The following KCNH8 variants were observed in gnomAD, a reference collection of about 807,000 sequenced individuals.
KCNH8 encodes the protein voltage-gated delayed rectifier potassium channel KCNH8.
Under a neutral mutation model 103.6 loss-of-function variants are expected in KCNH8, and 70 were observed. That is an observed-to-expected ratio of 0.68 (90% CI 0.56 to 0.82). The LOEUF is 0.82. Among genes scored for constraint, KCNH8 ranks in the 40% least tolerant of loss-of-function variants. The probability of loss-of-function intolerance (pLI) is 0.00; values close to 1 mark genes in which losing one functional copy is unlikely to be tolerated. For synonymous variants in KCNH8, 498 were observed against 489.4 expected (o/e 1.02, Z -0.23); for missense variants, 1,217 against 1,329.9 (o/e 0.92, Z 1.32).
intron 15 of KCNH8, among the ~76,000 whole-genome samples, chr3:19,520,071 G>A (rs1274879225): frequency 2.0e-5 from 3 of 150,274 alleles, no homozygotes; most frequent in African/African-American, 7.3e-5. Flanking sequence ...CTGTATTCAC[G>A]ATTTCTTTTC....
chr3:19,237,431 G>A (rs966349384), intron 1 of KCNH8, among the ~76,000 whole-genome samples: 9 of 152,212 alleles, frequency 5.9e-5, no homozygotes, highest in South Asian at 2.1e-4. Context: ...GTTTGTGGCA[G>A]CCCTGGTGGT....
At chr3:19,429,025 C>T (rs1034804159) in intron 7 of KCNH8, among the ~76,000 whole-genome samples, 1 of 152,100 alleles carries the variant, frequency 6.6e-6, no homozygotes, top group African/African-American at 2.4e-5. Context: ...CAAGGCCAAT[C>T]GCTTCACCAG....
chr3:19,287,839 C>T (rs550512612), intron 3 of KCNH8, among the ~76,000 whole-genome samples: 6 of 151,690 alleles, frequency 4.0e-5, no homozygotes, highest in Admixed American at 1.3e-4. Context: ...CTGCCTCGGC[C>T]TCCTGAAGTG....
At chr3:19,258,947 C>CTCTCTCTCTCTCTA (rs1321918245) in intron 2 of KCNH8, among the ~76,000 whole-genome samples, 2 of 24,792 alleles carry the variant, frequency 8.1e-5, no homozygotes, top group African/African-American at 3.0e-4. Flanking sequence ...CTCTCTCTCT[C>CTCTCTCTCTCTCTA]TATATATATA....
intron 7 of KCNH8, among the ~76,000 whole-genome samples, chr3:19,404,336 G>T (rs576000524): frequency 1.7e-4 from 26 of 151,926 alleles, no homozygotes; most frequent in Non-Finnish European, 3.2e-4. Context: ...AGCTTTCAAG[G>T]AATACTCTTG....
At chr3:19,258,949 A>C (rs9815379) in intron 2 of KCNH8, among the ~76,000 whole-genome samples, 1,488 of 45,170 alleles carry the variant, frequency 0.033, 7 homozygotes, top group African/African-American at 0.05. Context: ...CTCTCTCTCT[A>C]TATATATATA....
At chr3:19,455,930 T>A (rs974109316) in intron 10 of KCNH8, among the ~76,000 whole-genome samples, 1 of 152,058 alleles carries the variant, frequency 6.6e-6, no homozygotes, top group African/African-American at 2.4e-5. Flanking sequence ...ATACAAAATT[T>A]AAAAATTTGC....
At chr3:19,291,174 T>C (rs1465829401) in intron 3 of KCNH8, among the ~76,000 whole-genome samples, 1 of 152,218 alleles carries the variant, frequency 6.6e-6, no homozygotes, top group Admixed American at 6.5e-5. Flanking sequence ...ATCAATTTTA[T>C]TGATCTTTTC....
chr3:19,464,605 G>A, intron 11 of KCNH8, among the ~76,000 whole-genome samples: 1 of 152,082 alleles, frequency 6.6e-6, no homozygotes. Context: ...AAGAATGGGA[G>A]AAGATATTTG....
chr3:19,392,798 G>T (rs892136568), intron 6 of KCNH8, among the ~76,000 whole-genome samples: 2 of 151,962 alleles, frequency 1.3e-5, no homozygotes, highest in African/African-American at 4.8e-5. Context: ...TTATGAATAA[G>T]ACATAGGAAT....
intron 3 of KCNH8, among the ~76,000 whole-genome samples, chr3:19,312,184 A>G (rs568519993): frequency 6.0e-4 from 92 of 152,096 alleles, no homozygotes; most frequent in African/African-American, 2.1e-3. Context: ...TTTAAACTTC[A>G]TTCGAAATTA....
rs138274209 is a variant in KCNH8 at position 19,445,149 on chromosome 3, T to G, written c.1376-4957T>G. Among the ~76,000 whole-genome samples, 992 of 152,078 alleles carry G rather than the reference T, an allele frequency of 6.5e-3. 4 individuals carry two copies. Among genetic ancestry groups the G allele is most frequent in the Non-Finnish European group, 8.9e-3 (607 of 67,882 alleles). ...AACATTATACACTAATAAGAGTAAA[T>G]GAACTACTATGTCATGGAACCTTAT... On this transcript the variant is annotated intron_variant, in intron 8 of 15. Transcript: ENST00000328405.
intron 1 of KCNH8, among the ~76,000 whole-genome samples, chr3:19,182,402 G>C (rs1167408049): frequency 1.3e-5 from 2 of 152,114 alleles, no homozygotes; most frequent in African/African-American, 4.8e-5. Context: ...GTGGTGGCAG[G>C]TGCCTGTAGT....
At chr3:19,237,439 G>A (rs977793411) in intron 1 of KCNH8, among the ~76,000 whole-genome samples, 2 of 152,176 alleles carry the variant, frequency 1.3e-5, no homozygotes, top group African/African-American at 2.4e-5. Flanking sequence ...CAGCCCTGGT[G>A]GTTGTTCTCC....
Position 19,450,254 on chromosome 3 carries a change from C to G in KCNH8, c.1524C>G (p.Leu508=), listed in dbSNP as rs759058160. 2 of 1,613,222 alleles carry G rather than the reference C, an allele frequency of 1.2e-6. No individual in the cohort carries two copies. Among genetic ancestry groups the G allele is most frequent in the African/African-American group, 2.7e-5 (2 of 74,772 alleles). The change falls in exon 9 of 16, where the codon CTC becomes CTG. Residue 508 remains leucine, a synonymous_variant. Transcript: ENST00000328405. ...CCCAACAACTCAAGCAGAGGATGCT[C>G]GAATATTTTCAAACAACCTGGTCAG... is the stretch of plus-strand genomic sequence containing the variant. ...HLPQQLKQRM[L]EYFQTTWSVN...
At position 19,451,282 on chromosome 3, in the gene KCNH8, A is replaced by G. The variant is rs1229356709; in HGVS notation, c.1703A>G (p.Lys568Arg). Reference protein sequence around the residue: ...GCLRSLSLHIKTSFCAPGEYL... With the variant: ...GCLRSLSLHIRTSFCAPGEYL... ...CTCAGGTCTCTGTCTCTACACATCA[A>G]AACCTCTTTCTGTGCTCCGGGGGAG... The change falls in exon 10 of 16, where the codon AAA (lysine) becomes AGA (arginine). Residue 568 changes from lysine to arginine, a missense_variant. Lys to Arg is a conservative substitution (Grantham distance 26). Around this residue, in one of 3 missense-constraint regions of KCNH8, gnomAD observed 415 missense variants for 577.4 expected, o/e 0.72. Transcript: ENST00000328405. The G allele has an allele frequency of 9.3e-6, 15 of 1,613,796 alleles. No homozygotes were observed. The highest frequency in any genetic ancestry group is 1.3e-5 in the Non-Finnish European group (15 of 1,179,914).
chr3:19,308,720 CCCTCTCTCCCTCTCTCCCTCTCT>C lies in KCNH8; in HGVS notation c.442+27394_442+27416del, dbSNP rs1559470138. Among the ~76,000 whole-genome samples the C allele has an allele frequency of 4.9e-4, 12 of 24,490 alleles. 1 individual carries two copies. Among genetic ancestry groups the C allele is most frequent in the African/African-American group, 3.3e-3 (11 of 3,366 alleles). The allele number at this position is 24,490 out of a possible 152,430, so 16.1% of individuals were successfully genotyped here. ...TCTCTCTCTCTCTCTCTCTCTCTCC[CCCTCTCTCCCTCTCTCCCTCTCT>C]CCCTCTCTCCCTCTCTCCCTCTCTC... On this transcript the variant is annotated intron_variant, in intron 3 of 15. Transcript: ENST00000328405.
chr3:19,282,737 G>A (rs931404726), intron 3 of KCNH8, among the ~76,000 whole-genome samples: 1 of 152,010 alleles, frequency 6.6e-6, no homozygotes, highest in African/African-American at 2.4e-5. Flanking sequence ...CCATCTTGGT[G>A]GACTGCAGTG....
At chr3:19,245,057 C>T (rs547334953) in intron 1 of KCNH8, among the ~76,000 whole-genome samples, 1 of 152,182 alleles carries the variant, frequency 6.6e-6, no homozygotes, top group African/African-American at 2.4e-5. Flanking sequence ...AAGGCTATTC[C>T]CTAAGTTTTC....
Sources: gnomAD v4.1 joint callset for allele counts (sites outside exome capture counted in the v4.1 genomes callset) on GRCh38, gnomAD v4.1.1 for gene constraint, gnomAD v4.1.1 regional missense constraint, MANE v1.5 for transcripts, NCBI Gene and HGNC (gene_info 2026-07-23, HGNC 2026-07-21) for gene names.